The following ARAP2 variants were observed in gnomAD, a reference collection of about 807,000 sequenced individuals.
ARAP2 encodes ArfGAP with RhoGAP domain, ankyrin repeat and PH domain 2, also known as arf-GAP with Rho-GAP domain, ANK repeat and PH domain-containing protein 2.
ARAP2 carries 148 observed loss-of-function variants against 194.5 expected under a neutral mutation model. The ratio of observed to expected loss-of-function variants is 0.76; its 90% confidence interval spans 0.67 to 0.87. ARAP2 has a LOEUF of 0.87. Among genes scored for constraint, ARAP2 ranks in the 40% least tolerant of loss-of-function variants. ARAP2 has a pLI of 0.00. For missense variants in ARAP2, 2,128 were observed against 1,989.7 expected, an observed-to-expected ratio of 1.07 and a Z score of -1.32; for synonymous variants, 695 against 683.5, an observed-to-expected ratio of 1.02 and a Z score of -0.26.
At chr4:36,200,943 A>C (rs1250334796) in intron 6 of ARAP2, among the ~76,000 whole-genome samples, 1 of 152,266 alleles carries the variant, frequency 6.6e-6, no homozygotes, top group Non-Finnish European at 1.5e-5. Flanking sequence ...AATGTATACA[A>C]GACAATGCCT....
At chr4:36,032,891 C>A (rs991122824) in intron 5 of ARAP2, among the ~76,000 whole-genome samples, 3 of 152,100 alleles carry the variant, frequency 2.0e-5, no homozygotes, top group African/African-American at 7.2e-5. Context: ...GAGGTCTTAA[C>A]ATTTAGCTCC....
chr4:36,067,658 C>G lies in ARAP2; in HGVS notation c.*249G>C. On this transcript the variant is annotated 3_prime_UTR_variant, in exon 33 of 33. Transcript: ENST00000303965. ...TAAAAGGACTGACCACCTAAGTAAC[C>G]CAATGTCTTCTTACACACGTTAATA... The G allele has an allele frequency of 2.9e-6, 1 of 340,224 alleles. No homozygotes were observed. The highest frequency in any genetic ancestry group is 4.4e-5 in the Admixed American group (1 of 22,618). 21.1% of individuals were successfully genotyped at this position (340,224 alleles called of 1,614,324 possible).
intron 9 of ARAP2, among the ~76,000 whole-genome samples, chr4:36,007,345 A>G (rs2136810): frequency 0.83 from 126,295 of 152,116 alleles, 52,941 homozygotes; most frequent in East Asian, 0.95. Context: ...CTTAAAAACA[A>G]AGAAGACATC....
chr4:36,200,523 G>A (rs1744150550), intron 6 of ARAP2, among the ~76,000 whole-genome samples: 1 of 152,074 alleles, frequency 6.6e-6, no homozygotes, highest in African/African-American at 2.4e-5. Context: ...CCAAAGTGCT[G>A]GGATTACAAG....
At chr4:36,213,696 AAAATT>A (rs1747276756) in intron 3 of ARAP2, among the ~76,000 whole-genome samples, 1 of 152,094 alleles carries the variant, frequency 6.6e-6, no homozygotes, top group Non-Finnish European at 1.5e-5. Flanking sequence ...TAAATGGCAG[AAAATT>A]AAGCTTAATT....
At chr4:36,239,148 C>T (rs1335864171) in intron 1 of ARAP2, among the ~76,000 whole-genome samples, 1 of 152,012 alleles carries the variant, frequency 6.6e-6, no homozygotes, top group Non-Finnish European at 1.5e-5. Flanking sequence ...TGGTGGCACA[C>T]ACCTGTAATC....
intron 27 of ARAP2, among the ~76,000 whole-genome samples, chr4:36,096,867 T>C (rs1200323433): frequency 6.6e-6 from 1 of 152,162 alleles, no homozygotes; most frequent in Non-Finnish European, 1.5e-5. Flanking sequence ...GTCATATAGC[T>C]GGTTTAGAAC....
intron 8 of ARAP2, among the ~76,000 whole-genome samples, chr4:36,187,109 G>T (rs1300614649): frequency 6.6e-6 from 1 of 152,136 alleles, no homozygotes. Flanking sequence ...AATTGTTTTT[G>T]CATATCAAAT....
At chr4:36,234,599 C>A (rs1251355168) in intron 1 of ARAP2, among the ~76,000 whole-genome samples, 1 of 152,174 alleles carries the variant, frequency 6.6e-6, no homozygotes, top group East Asian at 1.9e-4. Context: ...TCCAATTCCT[C>A]CACTTACTAG....
At chr4:36,027,135 G>C (rs1044219494) in intron 5 of ARAP2, among the ~76,000 whole-genome samples, 19 of 152,048 alleles carry the variant, frequency 1.2e-4, no homozygotes, top group African/African-American at 4.3e-4. Flanking sequence ...ATCATATTTG[G>C]CATTTCTAAT....
intron 28 of ARAP2, among the ~76,000 whole-genome samples, chr4:36,084,529 G>A (rs1422474607): frequency 1.3e-5 from 2 of 152,034 alleles, no homozygotes; most frequent in Non-Finnish European, 2.9e-5. Context: ...ACATATTGAG[G>A]TATCTCAAAA....
chr4:36,184,553 T>C lies in ARAP2; in HGVS notation c.1678+2898A>G, dbSNP rs577063290. 9.2e-5 allele frequency among the ~76,000 whole-genome samples: 14 copies of C among 152,326 alleles called. No individual in the cohort carries two copies. The South Asian group carries it at 2.9e-3, about 32-fold the overall frequency. Reference sequence around the variant, plus strand: ...GAACTATACACCACAGAAGGATTTATCTGTCAATTGTGAACATGCACTTTT... The same window carrying C: ...GAACTATACACCACAGAAGGATTTACCTGTCAATTGTGAACATGCACTTTT... On this transcript the variant is annotated intron_variant, in intron 8 of 32. Coordinates refer to ENST00000303965, the MANE Select transcript of ARAP2 (RefSeq NM_015230.4).
intron 6 of ARAP2, among the ~76,000 whole-genome samples, chr4:36,206,750 G>T (rs773897282): frequency 3.5e-4 from 53 of 152,074 alleles, no homozygotes; most frequent in Non-Finnish European, 6.9e-4. Context: ...AACACATCTT[G>T]CTCATCTGTG....
chr4:36,214,770 C>T (rs974794108), intron 2 of ARAP2, among the ~76,000 whole-genome samples: 4 of 152,158 alleles, frequency 2.6e-5, no homozygotes, highest in African/African-American at 9.7e-5. Context: ...TTGCTACTCA[C>T]ATCTATAATT....
rs914348795 is a variant in ARAP2, at chr4:36,008,689, T to G, written n.1326-1643A>C. ...AAAATTTATACAACAAAAACAAAAA[T>G]TGGCTAATGACAGGATGTAATTAAA... On this transcript the variant is annotated intron_variant and non_coding_transcript_variant, in intron 9 of 12. Transcript: ENST00000503225. 9.9e-5 allele frequency among the ~76,000 whole-genome samples: 15 copies of G among 151,940 alleles called. No homozygotes were observed. In the South Asian group the frequency reaches 3.1e-3, roughly 32 times the overall value.
chr4:36,207,147 A>G (rs1295333974), intron 6 of ARAP2, among the ~76,000 whole-genome samples: 3 of 152,354 alleles, frequency 2.0e-5, no homozygotes, highest in South Asian at 2.1e-4. Flanking sequence ...TCTGAGATGC[A>G]TATTTGGGAA....
At chr4:36,214,389 T>C (rs776653862) in intron 3 of ARAP2, 33 bp downstream of exon 3, 5 of 1,558,122 alleles carry the variant, frequency 3.2e-6, no homozygotes, top group African/African-American at 2.7e-5. Flanking sequence ...AAATGAGCTC[T>C]AATTTAAGGA....
chr4:36,210,500 A>G lies in ARAP2; in HGVS notation c.1377T>C (p.Asn459=). The change falls in exon 6 of 33, where the codon AAT becomes AAC. Residue 459 remains asparagine, a synonymous_variant. Coordinates refer to ENST00000303965, the MANE Select transcript of ARAP2 (RefSeq NM_015230.4). ...GTGAAGAAACGGCTGATGAATCAGC[A>G]TTTCCACTTGTTGAGCTTAACGGAT... ...HSYPLSSTSG[N]ADSSAVSSQA... 1 of 1,614,014 alleles carries G rather than the reference A, an allele frequency of 6.2e-7. No homozygotes were observed. The highest frequency in any genetic ancestry group is 8.5e-7 in the Non-Finnish European group (1 of 1,179,876).
chr4:36,225,706 A>T (rs1038643379), intron 2 of ARAP2, among the ~76,000 whole-genome samples: 1 of 152,138 alleles, frequency 6.6e-6, no homozygotes, highest in Non-Finnish European at 1.5e-5. Flanking sequence ...GCACGTGTCC[A>T]GGGAGAGAAA....
Sources: gnomAD v4.1 joint callset for allele counts (sites outside exome capture counted in the v4.1 genomes callset) on GRCh38, gnomAD v4.1.1 for gene constraint, MANE v1.5 for transcripts, NCBI Gene and HGNC (gene_info 2026-07-23, HGNC 2026-07-21) for gene names.